The following PLCL1 variants were observed in gnomAD, a reference collection of about 807,000 sequenced individuals.
The protein encoded by PLCL1 is phospholipase C like 1 (inactive).
Under a neutral mutation model 84.4 loss-of-function variants are expected in PLCL1, and 41 were observed. That is an observed-to-expected ratio of 0.49 (90% CI 0.38 to 0.63). PLCL1 has a LOEUF of 0.63. PLCL1 is among the 30% of genes least tolerant of loss of function. The pLI is 0.00. For missense variants in PLCL1, 1,206 were observed against 1,367.8 expected (o/e 0.88, Z 1.87); for synonymous variants, 490 against 488.3 (o/e 1.00, Z -0.05).
At chr2:198,139,364 A>G (rs1308017780) in intron 5 of PLCL1, among the ~76,000 whole-genome samples, 1 of 152,056 alleles carries the variant, frequency 6.6e-6, no homozygotes, top group African/African-American at 2.4e-5. Context: ...TTTTCATACT[A>G]GTGTCTGTCT....
chr2:198,089,145 T>A, intron 3 of PLCL1, 84 bp downstream of exon 3: 1 of 952,828 alleles, frequency 1.0e-6, no homozygotes, highest in Non-Finnish European at 1.7e-6. Flanking sequence ...GGAACTCCAA[T>A]GAATAACACA....
intron 1 of PLCL1, among the ~76,000 whole-genome samples, chr2:198,022,969 G>A (rs1430191924): frequency 6.6e-6 from 1 of 152,136 alleles, no homozygotes; most frequent in African/African-American, 2.4e-5. Context: ...GAACAAAGCT[G>A]GAGGCATCAT....
chr2:198,088,413 G>A (rs188085936), intron 2 of PLCL1, among the ~76,000 whole-genome samples: 1 of 152,334 alleles, frequency 6.6e-6, no homozygotes, highest in African/African-American at 2.4e-5. Context: ...TGTGCTTTCA[G>A]TGTGTGTGTC....
intron 1 of PLCL1, among the ~76,000 whole-genome samples, chr2:197,822,625 G>C (rs1690841829): frequency 6.6e-6 from 1 of 152,118 alleles, no homozygotes; most frequent in Non-Finnish European, 1.5e-5. Flanking sequence ...CCATTTCATG[G>C]ATGAGGAAGT....
intron 5 of PLCL1, among the ~76,000 whole-genome samples, chr2:198,108,393 A>G (rs1455490671): frequency 1.3e-5 from 2 of 151,882 alleles, no homozygotes; most frequent in Admixed American, 6.6e-5. Context: ...GTTGGTTTGT[A>G]TTTCTAAAAA....
At chr2:197,931,528 A>T (rs1215253791) in intron 1 of PLCL1, among the ~76,000 whole-genome samples, 1 of 152,048 alleles carries the variant, frequency 6.6e-6, no homozygotes, top group Non-Finnish European at 1.5e-5. Flanking sequence ...AGAAGCTACC[A>T]GTACCTTTAT....
intron 1 of PLCL1, among the ~76,000 whole-genome samples, chr2:197,997,719 G>A (rs1174118909): frequency 1.3e-5 from 2 of 152,132 alleles, no homozygotes; most frequent in African/African-American, 4.8e-5. Flanking sequence ...TGCCAATCAT[G>A]ACCTTTATCT....
intron 1 of PLCL1, among the ~76,000 whole-genome samples, chr2:197,840,403 C>A (rs1180861125): frequency 1.3e-5 from 2 of 152,098 alleles, no homozygotes; most frequent in Non-Finnish European, 2.9e-5. Context: ...TTTTAGAAAT[C>A]TGCCTACATA....
At chr2:198,106,095 G>A (rs1469708760) in intron 5 of PLCL1, among the ~76,000 whole-genome samples, 3 of 151,904 alleles carry the variant, frequency 2.0e-5, no homozygotes, top group African/African-American at 7.2e-5. Flanking sequence ...CACCAACTCA[G>A]TATCGTTATT....
rs1370946523 is a variant in PLCL1, at chr2:197,879,687, G to A, written c.240+74348G>A. Among the ~76,000 whole-genome samples, 3 of 152,044 alleles carry A rather than the reference G, an allele frequency of 2.0e-5. No homozygotes were observed. The South Asian group carries it at 6.2e-4, about 32-fold the overall frequency. ...GTTCAATTATTTTGGTCAGGATAAA[G>A]GGCTGTGCAAATTCAGATAGTCTTC... On this transcript the variant is annotated intron_variant, in intron 1 of 5. Coordinates refer to ENST00000428675, the MANE Select transcript of PLCL1 (RefSeq NM_006226.4).
intron 1 of PLCL1, among the ~76,000 whole-genome samples, chr2:197,875,742 G>A (rs145234360): frequency 3.3e-5 from 5 of 151,436 alleles, no homozygotes; most frequent in East Asian, 3.9e-4. Flanking sequence ...AAAAAAAACC[G>A]TAGAACTGCT....
At position 198,055,345 on chromosome 2, in the gene PLCL1, C is replaced by G. The variant is rs866054847; in HGVS notation, c.241-28413C>G. On this transcript the variant is annotated intron_variant, in intron 1 of 5. Coordinates refer to ENST00000428675, the MANE Select transcript of PLCL1 (RefSeq NM_006226.4). ...TCTCTCTCTCTGTGTGTGTGTGTGTCTGTGTATGAGAGAGAGAGAAAGAGA... is the reference window on the plus strand; with the variant it reads ...TCTCTCTCTCTGTGTGTGTGTGTGTGTGTGTATGAGAGAGAGAGAAAGAGA... Among the ~76,000 whole-genome samples, 467 of 98,676 alleles carry G rather than the reference C, an allele frequency of 4.7e-3. 2 individuals carry two copies. The highest frequency in any genetic ancestry group is 0.018 in the African/African-American group (404 of 22,378). 64.7% of individuals were successfully genotyped at this position (98,676 alleles called of 152,430 possible). A position where few individuals can be genotyped will look rare whatever the true frequency, so the allele number is the denominator to read the frequency against.
chr2:197,894,466 G>A lies in PLCL1; in HGVS notation c.240+89127G>A, dbSNP rs187383370. On this transcript the variant is annotated intron_variant, in intron 1 of 5. Transcript: ENST00000428675. ...CAAATTTAAAGAACTATAATTACAT[G>A]GGAGAAGAGAAGGGGTGCTGGATTC... Among the ~76,000 whole-genome samples the A allele has an allele frequency of 5.7e-4, 86 of 152,136 alleles. 1 individual carries two copies. The highest frequency in any genetic ancestry group is 3.4e-3 in the Middle Eastern group (1 of 294).
chr2:198,121,598 C>T (rs571738117), intron 5 of PLCL1, among the ~76,000 whole-genome samples: 2 of 152,040 alleles, frequency 1.3e-5, no homozygotes, highest in African/African-American at 2.4e-5. Context: ...GCACCTTTGT[C>T]GAAAATGAGT....
At chr2:198,075,757 A>G (rs554086751) in intron 1 of PLCL1, among the ~76,000 whole-genome samples, 1 of 152,282 alleles carries the variant, frequency 6.6e-6, no homozygotes, top group East Asian at 1.9e-4. Context: ...ATTTTGCTCT[A>G]ATTATTAAAT....
intron 1 of PLCL1, among the ~76,000 whole-genome samples, chr2:197,988,458 T>G (rs994456998): frequency 1.3e-5 from 2 of 152,198 alleles, no homozygotes; most frequent in African/African-American, 4.8e-5. Flanking sequence ...CACCTATAAG[T>G]GAGAACATAC....
At chr2:197,948,005 G>T (rs1054614244) in intron 1 of PLCL1, among the ~76,000 whole-genome samples, 2 of 152,126 alleles carry the variant, frequency 1.3e-5, no homozygotes, top group African/African-American at 4.8e-5. Flanking sequence ...AATGGATTTT[G>T]TAAGAGATTA....
intron 1 of PLCL1, among the ~76,000 whole-genome samples, chr2:197,925,129 G>A (rs752110738): frequency 3.3e-5 from 5 of 152,006 alleles, no homozygotes; most frequent in Admixed American, 1.3e-4. Flanking sequence ...TGAATGTGCC[G>A]GCTAGGAAAT....
chr2:198,058,539 A>T (rs1221211120), intron 1 of PLCL1, among the ~76,000 whole-genome samples: 1 of 151,816 alleles, frequency 6.6e-6, no homozygotes, highest in Non-Finnish European at 1.5e-5. Context: ...AAACATTTTT[A>T]AAAAATCATT....
Sources: allele counts gnomAD v4.1 joint callset (sites outside exome capture counted in the v4.1 genomes callset), GRCh38; gene constraint gnomAD v4.1.1; transcripts MANE v1.5; gene names NCBI Gene and HGNC (gene_info 2026-07-23, HGNC 2026-07-21).